NBPF12: variants seen among roughly 807,000 people sequenced by gnomAD.
NBPF12 encodes the protein NBPF member 12.
In NBPF12, 115 loss-of-function variants were observed where a neutral mutation model predicts 146.4. That is an observed-to-expected ratio of 0.79 (90% CI 0.68 to 0.92). The LOEUF (loss-of-function observed/expected upper bound fraction) is 0.92. Among genes scored for constraint, NBPF12 ranks in the 40% least tolerant of loss-of-function variants. NBPF12 has a pLI of 0.00. For missense variants in NBPF12, 1,205 were observed against 1,326.8 expected (o/e 0.91, Z 1.43); for synonymous variants, 385 against 508.9 (o/e 0.76, Z 3.28).
chr1:146,965,658 G>T (rs1315297534), intron 8 of NBPF12, among the ~76,000 whole-genome samples: 4 of 149,964 alleles, frequency 2.7e-5, no homozygotes, highest in Admixed American at 2.7e-4. Context: ...TGGGCGCGGT[G>T]GTGGGCACCT....
upstream of NBPF12, among the ~76,000 whole-genome samples, chr1:146,945,732 C>T (rs1655024277): frequency 6.6e-6 from 1 of 152,070 alleles, no homozygotes; most frequent in Non-Finnish European, 1.5e-5. Flanking sequence ...ACAATTTCCC[C>T]TATTAGTATA....
At chr1:146,970,719 G>C in exon 12 of NBPF12, 1 of 1,358,688 alleles carries the variant, frequency 7.4e-7, no homozygotes, top group Non-Finnish European at 1.1e-6. Flanking sequence ...TCTTCCCCCA[G>C]GTGACACTGA....
intron 9 of NBPF12, among the ~76,000 whole-genome samples, chr1:146,967,805 A>T (rs1482992019): frequency 6.6e-6 from 1 of 151,090 alleles, no homozygotes; most frequent in African/African-American, 2.5e-5. Flanking sequence ...TCAATCTCAT[A>T]GAACGTTTAT....
intron 14 of NBPF12, 57 bp downstream of exon 17, chr1:146,973,017 T>A (rs1656755551): frequency 2.9e-5 from 24 of 820,450 alleles, no homozygotes; most frequent in Non-Finnish European, 4.2e-5. Flanking sequence ...GTCTTCTCTC[T>A]GAGAAACTAA....
chr1:146,955,706 A>G (rs1187504102), intron 2 of NBPF12, among the ~76,000 whole-genome samples: 3 of 150,200 alleles, frequency 2.0e-5, no homozygotes, highest in African/African-American at 7.6e-5. Flanking sequence ...AACCTCAGTT[A>G]AATTCACTTA....
intron 19 of NBPF12, among the ~76,000 whole-genome samples, chr1:146,980,133 C>T (rs1657276607): frequency 6.6e-6 from 1 of 151,876 alleles, no homozygotes; most frequent in Non-Finnish European, 1.5e-5. Context: ...ACTAGGATTG[C>T]AACCCCTGCA....
At chr1:146,980,304 G>A (rs1158263891) in intron 19 of NBPF12, among the ~76,000 whole-genome samples, 4 of 152,024 alleles carry the variant, frequency 2.6e-5, no homozygotes, top group African/African-American at 7.3e-5. Context: ...GGGGCATTTA[G>A]CCCCTTTACA....
intron 19 of NBPF12, among the ~76,000 whole-genome samples, chr1:146,981,660 G>T (rs1486776397): frequency 1.5e-4 from 23 of 151,946 alleles, no homozygotes; most frequent in African/African-American, 4.8e-4. Context: ...TCCCAGCTTG[G>T]TTCCATTCTC....
At chr1:146,953,017 G>A (rs1185471461) in intron 2 of NBPF12, among the ~76,000 whole-genome samples, 1 of 151,238 alleles carries the variant, frequency 6.6e-6, no homozygotes, top group African/African-American at 2.4e-5. Flanking sequence ...GCATGGGTGA[G>A]GGGAACAGCG....
chr1:146,960,918 C>T (rs1355604580), intron 4 of NBPF12, among the ~76,000 whole-genome samples: 14 of 152,184 alleles, frequency 9.2e-5, no homozygotes, highest in East Asian at 5.8e-4. Context: ...GAGGCTGAGG[C>T]GGGCAGAGCA....
chr1:146,966,821 G>C (rs1376068727), intron 9 of NBPF12, 148 bp downstream of exon 12: 1 of 650,848 alleles, frequency 1.5e-6, no homozygotes. Context: ...TTTTGTTAAA[G>C]TTGGAAGACA....
intron 2 of NBPF12, 142 bp downstream of exon 5, chr1:146,951,631 C>T: frequency 2.0e-6 from 1 of 501,146 alleles, no homozygotes; most frequent in East Asian, 3.5e-5. Flanking sequence ...TGATGATGTC[C>T]CTTGTTCAAC....
chr1:146,955,874 G>GT (rs1425433333), intron 2 of NBPF12, among the ~76,000 whole-genome samples: 15 of 151,250 alleles, frequency 9.9e-5, no homozygotes, highest in Admixed American at 3.3e-4. Context: ...AATGGCTCCT[G>GT]TTAAGAATGC....
chr1:146,940,637 G>T (rs1490049965), intron 1 of NBPF12, among the ~76,000 whole-genome samples: 1 of 151,830 alleles, frequency 6.6e-6, no homozygotes, highest in Non-Finnish European at 1.5e-5. Context: ...TACTATATTG[G>T]GGTATATATG....
rs1430155902 is a variant in NBPF12, at chr1:146,965,929, G to A, written c.779-535G>A. ...TCGAAACCAGCCTGTCCAAGATGGCGAAACCCCATCTCTACTAAAAATACA... is the reference window on the plus strand; with the variant it reads ...TCGAAACCAGCCTGTCCAAGATGGCAAAACCCCATCTCTACTAAAAATACA... On this transcript the variant is annotated intron_variant, in intron 8 of 33. Coordinates refer to ENST00000617844, the Ensembl canonical transcript of NBPF12. Among the ~76,000 whole-genome samples, 230 of 147,582 alleles carry A rather than the reference G, an allele frequency of 1.6e-3. 1 individual carries two copies. Among genetic ancestry groups the A allele is most frequent in the Middle Eastern group, 7.0e-3 (2 of 286 alleles).
intron 9 of NBPF12, among the ~76,000 whole-genome samples, chr1:146,967,144 G>C (rs1656261632): frequency 6.6e-6 from 1 of 150,674 alleles, no homozygotes; most frequent in Non-Finnish European, 1.5e-5. Flanking sequence ...TACCCGCTCT[G>C]AGGGGCTTCA....
Position 146,994,509 on chromosome 1 carries a change from CT to C in NBPF12, c.4314del (p.Phe1438LeufsTer3). ...CCTTTGCCCTTGACATGGACAATAG[CT>C]TTTTTACTTTGACGGTGACAAGTCT... On this transcript the variant is annotated frameshift_variant, in exon 34 of 34. Coordinates refer to ENST00000617844, the Ensembl canonical transcript of NBPF12. LOFTEE classifies it high-confidence loss of function. 2 of 1,581,610 alleles carry C rather than the reference CT, an allele frequency of 1.3e-6. No individual in the cohort carries two copies. Among genetic ancestry groups the C allele is most frequent in the South Asian group, 1.1e-5 (1 of 90,098 alleles).
chr1:146,977,317 G>C, intron 17 of NBPF12, 149 bp from the exon 21 acceptor site: 2 of 1,113,884 alleles, frequency 1.8e-6, no homozygotes, highest in Non-Finnish European at 1.3e-6. Context: ...AGACAGAACA[G>C]GATTGCATGT....
At chr1:146,950,782 T>C (rs1238459015) in intron 1 of NBPF12, among the ~76,000 whole-genome samples, 2 of 152,120 alleles carry the variant, frequency 1.3e-5, no homozygotes, top group East Asian at 3.9e-4. Context: ...TATTGATAGA[T>C]ATTTGAATAC....
Sources: allele counts gnomAD v4.1 joint callset (sites outside exome capture counted in the v4.1 genomes callset), GRCh38; gene constraint gnomAD v4.1.1; transcripts MANE v1.5; gene names NCBI Gene and HGNC (gene_info 2026-07-23, HGNC 2026-07-21).